The following ST7L variants were observed in gnomAD, a reference collection of about 807,000 sequenced individuals.
ST7L encodes suppression of tumorigenicity 7 like.
ST7L carries 57 observed loss-of-function variants against 72.5 expected under a neutral mutation model. The ratio of observed to expected loss-of-function variants is 0.79; its 90% CI spans 0.64 to 0.98. ST7L has a LOEUF of 0.98. Ranked by LOEUF, ST7L falls within the 50% of genes least tolerant of loss-of-function variation. The pLI is 0.00. For synonymous variants in ST7L, 221 were observed against 240.9 expected (o/e 0.92, Z 0.77); for missense variants, 576 against 672.2 (o/e 0.86, Z 1.58).
At chr1:112,560,329 G>A (rs751869779) in intron 11 of ST7L, among the ~76,000 whole-genome samples, 3 of 149,746 alleles carry the variant, frequency 2.0e-5, no homozygotes, top group Non-Finnish European at 4.5e-5. Flanking sequence ...GGGAGGCGGA[G>A]TTTGCAGTGA....
At chr1:112,533,501 G>C (rs934623340) in intron 14 of ST7L, among the ~76,000 whole-genome samples, 1 of 151,850 alleles carries the variant, frequency 6.6e-6, no homozygotes, top group Non-Finnish European at 1.5e-5. Flanking sequence ...ATTTTTAGTA[G>C]AGACGCGGTT....
intron 11 of ST7L, among the ~76,000 whole-genome samples, chr1:112,562,609 C>T (rs973315485): frequency 4.6e-5 from 7 of 151,970 alleles, no homozygotes; most frequent in Admixed American, 1.3e-4. Context: ...AAGACAATGG[C>T]GGTGAGGTAT....
intron 14 of ST7L, chr1:112,526,461 C>T (rs1028280839): frequency 2.6e-4 from 45 of 174,848 alleles, no homozygotes; most frequent in African/African-American, 8.2e-4. Flanking sequence ...TATCAGAGGC[C>T]GGGTGCAGTG....
intron 3 of ST7L, among the ~76,000 whole-genome samples, chr1:112,607,980 G>GA (rs1668511288): frequency 1.3e-5 from 2 of 152,078 alleles, no homozygotes. Flanking sequence ...TATCCAGGGA[G>GA]AAAAAAATTG....
At chr1:112,543,868 C>CA (rs11418345) in intron 13 of ST7L, among the ~76,000 whole-genome samples, 16,813 of 57,374 alleles carry the variant, frequency 0.29, 2,013 homozygotes, top group Non-Finnish European at 0.36. Context: ...GACTCTATCT[C>CA]AAAAAAAAAA....
intron 14 of ST7L, 58 bp from the exon 15 acceptor site, chr1:112,526,169 A>G: frequency 6.2e-7 from 1 of 1,610,352 alleles, no homozygotes. Context: ...CAGGACAGCC[A>G]AGAGAGTATA....
chr1:112,570,627 A>G, intron 11 of ST7L: 1 of 378,880 alleles, frequency 2.6e-6, no homozygotes, highest in Non-Finnish European at 5.1e-6. Flanking sequence ...AGTTATTGTG[A>G]CTCACAATTG....
At chr1:112,543,796 G>C (rs1318601977) in intron 13 of ST7L, among the ~76,000 whole-genome samples, 1 of 147,382 alleles carries the variant, frequency 6.8e-6, no homozygotes, top group East Asian at 2.0e-4. Context: ...TAGAACCTGA[G>C]AGGCAGAGGT....
chr1:112,520,771 G>A (rs1428041073), downstream of ST7L: 2 of 518,458 alleles, frequency 3.9e-6, no homozygotes, highest in Admixed American at 6.6e-5. Context: ...GAGATAGGGG[G>A]TCTTTAGAGT....
chr1:112,580,738 C>T (rs34569066), intron 9 of ST7L, among the ~76,000 whole-genome samples: 29,508 of 152,114 alleles, frequency 0.19, 3,587 homozygotes, highest in East Asian at 0.46. Context: ...TCCTGGCCAA[C>T]ATGGTGAAAC....
chr1:112,592,692 A>G (rs892111891), intron 5 of ST7L, among the ~76,000 whole-genome samples: 39 of 152,204 alleles, frequency 2.6e-4, no homozygotes, highest in Admixed American at 4.6e-4. Context: ...TTTAACACTG[A>G]ATCTTTATTA....
downstream of ST7L, among the ~76,000 whole-genome samples, chr1:112,519,449 G>A (rs1652737513): frequency 6.6e-6 from 1 of 152,094 alleles, no homozygotes; most frequent in African/African-American, 2.4e-5. Context: ...CCATGGAAAA[G>A]CTTGGAGTAG....
chr1:112,558,593 T>C (rs1659573473), intron 11 of ST7L, among the ~76,000 whole-genome samples: 1 of 152,236 alleles, frequency 6.6e-6, no homozygotes, highest in Non-Finnish European at 1.5e-5. Flanking sequence ...AGTCTGCTCA[T>C]CAATTTATTT....
At chr1:112,594,486 C>A (rs111718525) in intron 5 of ST7L, among the ~76,000 whole-genome samples, 1 of 152,148 alleles carries the variant, frequency 6.6e-6, no homozygotes, top group Admixed American at 6.5e-5. Flanking sequence ...TCTATTAGCA[C>A]CCCTCCCTAC....
intron 14 of ST7L, among the ~76,000 whole-genome samples, chr1:112,539,527 G>A (rs528346353): frequency 6.6e-6 from 1 of 152,082 alleles, no homozygotes; most frequent in African/African-American, 2.4e-5. Context: ...GTTGTGGCAC[G>A]TGCCTGTAGT....
chr1:112,556,765 C>T (rs927252728), intron 11 of ST7L, among the ~76,000 whole-genome samples: 17 of 151,686 alleles, frequency 1.1e-4, no homozygotes, highest in African/African-American at 4.1e-4. Context: ...GTCAGGAAAT[C>T]GAGATCATCC....
intron 11 of ST7L, among the ~76,000 whole-genome samples, chr1:112,564,343 C>G (rs538835377): frequency 3.3e-5 from 5 of 152,256 alleles, no homozygotes; most frequent in African/African-American, 1.2e-4. Context: ...GGCCACAGTA[C>G]AACATAAGGG....
intron 11 of ST7L, among the ~76,000 whole-genome samples, chr1:112,562,950 T>C (rs983871712): frequency 3.9e-5 from 6 of 152,170 alleles, no homozygotes; most frequent in Admixed American, 6.5e-5. Context: ...TGTTTAGAAA[T>C]GCGTAGAAAA....
At chr1:112,548,041 A>G (rs1417322548) in intron 13 of ST7L, among the ~76,000 whole-genome samples, 3 of 152,138 alleles carry the variant, frequency 2.0e-5, no homozygotes, top group Non-Finnish European at 4.4e-5. Context: ...ACCAATTTTT[A>G]TGGTAACCAT....
Sources: allele counts gnomAD v4.1 joint callset (sites outside exome capture counted in the v4.1 genomes callset), GRCh38; gene constraint gnomAD v4.1.1; transcripts MANE v1.5; gene names NCBI Gene and HGNC (gene_info 2026-07-23, HGNC 2026-07-21).